Variants in NFIB observed in about 807,000 individuals in gnomAD.
NFIB encodes nuclear factor 1 B-type.
A neutral mutation model predicts 61.5 loss-of-function variants in NFIB; 11 were observed. The observed-to-expected ratio is 0.18, with a 90% CI of 0.11 to 0.30. NFIB has a LOEUF of 0.30. Among genes scored for constraint, NFIB ranks in the 10% least tolerant of loss-of-function variants. The pLI, the probability that NFIB is intolerant of heterozygous loss-of-function variation, is 1.00. For missense variants in NFIB, 471 were observed against 608.9 expected (o/e 0.77, Z 2.38); for synonymous variants, 260 against 216.5 (o/e 1.20, Z -1.76).
chr9:14,196,068 A>G (rs920545403), intron 2 of NFIB, among the ~76,000 whole-genome samples: 1 of 152,100 alleles, frequency 6.6e-6, no homozygotes, highest in African/African-American at 2.4e-5. Flanking sequence ...GTGCTCCTAA[A>G]TGAAGGATTT....
chr9:14,531,186 A>T, the NFIB span, among the ~76,000 whole-genome samples: 13 of 152,138 alleles, frequency 8.5e-5, no homozygotes, highest in African/African-American at 3.1e-4. Flanking sequence ...TCTCTTCCCA[A>T]TATTATGTTA....
chr9:14,166,844 G>A (rs1361735024), intron 3 of NFIB, among the ~76,000 whole-genome samples: 2 of 152,146 alleles, frequency 1.3e-5, no homozygotes, highest in Non-Finnish European at 2.9e-5. Context: ...CAATTTTAAC[G>A]CTATGAAAGC....
intron 1 of NFIB, among the ~76,000 whole-genome samples, chr9:14,352,236 T>C (rs1391520040): frequency 6.7e-6 from 1 of 150,184 alleles, no homozygotes; most frequent in Admixed American, 6.6e-5. Context: ...CCCTGCTCCG[T>C]CTCCTGGAAT....
At chr9:14,461,907 G>T in the NFIB span, among the ~76,000 whole-genome samples, 1 of 152,220 alleles carries the variant, frequency 6.6e-6, no homozygotes, top group African/African-American at 2.4e-5. Context: ...CCAGGGAATA[G>T]CAAAAGCAAG....
At chr9:14,310,414 T>A (rs768197360) in intron 1 of NFIB, among the ~76,000 whole-genome samples, 55 of 152,308 alleles carry the variant, frequency 3.6e-4, no homozygotes, top group South Asian at 1.0e-3. Flanking sequence ...TTGCTGTAAG[T>A]CGCATATATT....
chr9:14,496,669 G>A, the NFIB span, among the ~76,000 whole-genome samples: 2 of 152,024 alleles, frequency 1.3e-5, no homozygotes, highest in African/African-American at 4.8e-5. Flanking sequence ...AATAAGTGAG[G>A]TACCCACACA....
chr9:14,351,181 G>C (rs889911375), intron 1 of NFIB, among the ~76,000 whole-genome samples: 9 of 152,198 alleles, frequency 5.9e-5, no homozygotes, highest in African/African-American at 2.2e-4. Flanking sequence ...CTATGGTCCA[G>C]TCTCCCCACT....
chr9:14,264,664 T>G (rs2057052954), intron 2 of NFIB, among the ~76,000 whole-genome samples: 2 of 152,216 alleles, frequency 1.3e-5, no homozygotes, highest in Non-Finnish European at 2.9e-5. Context: ...AAGTACATAC[T>G]TCTTTCCTGG....
the NFIB span, among the ~76,000 whole-genome samples, chr9:14,440,933 T>C: frequency 6.6e-6 from 1 of 152,292 alleles, no homozygotes; most frequent in East Asian, 1.9e-4. Context: ...AAAGGTGTTG[T>C]GTAGAACATA....
intron 2 of NFIB, among the ~76,000 whole-genome samples, chr9:14,187,517 T>A (rs1194841075): frequency 6.6e-6 from 1 of 152,202 alleles, no homozygotes; most frequent in Non-Finnish European, 1.5e-5. Context: ...AAGATCTTCA[T>A]GATAAAGTAA....
intron 2 of NFIB, among the ~76,000 whole-genome samples, chr9:14,182,161 C>T (rs1019356776): frequency 1.3e-5 from 2 of 152,046 alleles, no homozygotes; most frequent in East Asian, 3.8e-4. Context: ...CCAACTTCTT[C>T]GATTGAAAAA....
intron 10 of NFIB, among the ~76,000 whole-genome samples, chr9:14,097,519 T>C (rs551531550): frequency 4.8e-4 from 73 of 152,264 alleles, no homozygotes; most frequent in African/African-American, 1.5e-3. Context: ...CGCGGGGATG[T>C]TCTAAGTGTA....
intron 4 of NFIB, among the ~76,000 whole-genome samples, chr9:14,151,083 T>C (rs2042819009): frequency 6.6e-6 from 1 of 152,156 alleles, no homozygotes; most frequent in African/African-American, 2.4e-5. Context: ...ATAAGTTATG[T>C]GCCCTAGTTT....
intron 2 of NFIB, among the ~76,000 whole-genome samples, chr9:14,196,306 T>C (rs10961414): frequency 0.85 from 129,891 of 152,140 alleles, 55,997 homozygotes; most frequent in African/African-American, 0.91. Flanking sequence ...GAACCCACTC[T>C]AGAACTTTGA....
At chr9:14,255,842 G>C (rs2056168998) in intron 2 of NFIB, among the ~76,000 whole-genome samples, 1 of 152,154 alleles carries the variant, frequency 6.6e-6, no homozygotes, top group Admixed American at 6.5e-5. Context: ...GAATGCCTTT[G>C]GAAAACATTG....
At chr9:14,162,248 AT>A (rs143037724) in intron 3 of NFIB, among the ~76,000 whole-genome samples, 7,633 of 151,478 alleles carry the variant, frequency 0.05, 545 homozygotes, top group African/African-American at 0.16. Flanking sequence ...TTTATCACTG[AT>A]TTTTTTTTCT....
the NFIB span, among the ~76,000 whole-genome samples, chr9:14,483,248 T>A: frequency 6.6e-6 from 1 of 152,226 alleles, no homozygotes; most frequent in South Asian, 2.1e-4. Flanking sequence ...CAAAATACAT[T>A]TGGGAAATTG....
chr9:14,146,852 GA>G, intron 5 of NFIB, 45 bp from the exon 6 acceptor site: 1 of 1,588,752 alleles, frequency 6.3e-7, no homozygotes, highest in Non-Finnish European at 8.5e-7. Context: ...TTTCTGGGAA[GA>G]TGTGTACATT....
the NFIB span, among the ~76,000 whole-genome samples, chr9:14,526,063 A>G: frequency 6.6e-6 from 1 of 152,270 alleles, no homozygotes; most frequent in East Asian, 1.9e-4. Flanking sequence ...AGCTGCCTCT[A>G]CCAGCCGTGA....
Sources: allele counts gnomAD v4.1 joint callset (sites outside exome capture counted in the v4.1 genomes callset), GRCh38; gene constraint gnomAD v4.1.1; transcripts MANE v1.5; gene names NCBI Gene and HGNC (gene_info 2026-07-23, HGNC 2026-07-21).